The following PTPRD variants were observed in gnomAD, a reference collection of about 807,000 sequenced individuals.
PTPRD encodes the protein receptor-type tyrosine-protein phosphatase delta.
A neutral mutation model predicts 214.5 loss-of-function variants in PTPRD; 34 were observed. That is an observed-to-expected ratio of 0.16 (90% CI 0.12 to 0.21). The LOEUF is 0.21. Among genes scored for constraint, PTPRD ranks in the 10% least tolerant of loss-of-function variants. The pLI is 1.00. For synonymous variants in PTPRD, 1,128 were observed against 845.7 expected (o/e 1.33, Z -5.79); for missense variants, 2,545 against 2,398.7 (o/e 1.06, Z -1.27).
chr9:9,951,915 C>A (rs2093486840), intron 4 of PTPRD, among the ~76,000 whole-genome samples: 1 of 152,192 alleles, frequency 6.6e-6, no homozygotes, highest in African/African-American at 2.4e-5. Context: ...TACTCATGAT[C>A]TTAATTGAGT....
chr9:9,837,136 A>G (rs1188634598), intron 5 of PTPRD, among the ~76,000 whole-genome samples: 1 of 152,100 alleles, frequency 6.6e-6, no homozygotes, highest in East Asian at 1.9e-4. Flanking sequence ...TGTTTAGCCA[A>G]TTTTTGTGTA....
chr9:8,349,847 C>T (rs1011642590), intron 39 of PTPRD, among the ~76,000 whole-genome samples: 2 of 151,666 alleles, frequency 1.3e-5, no homozygotes, highest in South Asian at 2.1e-4. Context: ...CCGGTGAGGA[C>T]AACTATTCCA....
intron 3 of PTPRD, among the ~76,000 whole-genome samples, chr9:10,089,536 T>C (rs2098404334): frequency 1.3e-5 from 2 of 151,576 alleles, no homozygotes. Flanking sequence ...GTCATAATAA[T>C]GTTGAGGTAA....
intron 3 of PTPRD, among the ~76,000 whole-genome samples, chr9:10,208,253 G>A (rs779986400): frequency 2.4e-4 from 37 of 152,308 alleles, no homozygotes; most frequent in Non-Finnish European, 3.4e-4. Flanking sequence ...GGTGGCTCAG[G>A]CCCGTAATCC....
At chr9:9,905,978 TA>T (rs1376107247) in intron 5 of PTPRD, among the ~76,000 whole-genome samples, 1 of 151,984 alleles carries the variant, frequency 6.6e-6, no homozygotes, top group African/African-American at 2.4e-5. Flanking sequence ...GATAAAATTT[TA>T]AGCCAGATGC....
chr9:9,526,138 C>T (rs633719), intron 8 of PTPRD, among the ~76,000 whole-genome samples: 124,328 of 152,170 alleles, frequency 0.82, 51,306 homozygotes, highest in East Asian at 1. Flanking sequence ...GCCCAACTTA[C>T]ATTTGTAAAC....
chr9:8,945,599 G>T (rs547366395), intron 11 of PTPRD, among the ~76,000 whole-genome samples: 1 of 151,588 alleles, frequency 6.6e-6, no homozygotes, highest in Non-Finnish European at 1.5e-5. Context: ...CCCTTCACTG[G>T]CAATTGATTC....
chr9:8,780,909 C>T (rs1330088917), intron 11 of PTPRD, among the ~76,000 whole-genome samples: 2 of 152,186 alleles, frequency 1.3e-5, no homozygotes, highest in Non-Finnish European at 2.9e-5. Context: ...TCCTTCTGCA[C>T]ATCACAGATT....
intron 5 of PTPRD, among the ~76,000 whole-genome samples, chr9:9,891,039 T>C (rs527516342): frequency 6.6e-5 from 10 of 152,252 alleles, no homozygotes; most frequent in African/African-American, 2.4e-4. Flanking sequence ...ATAAAAACCT[T>C]CATGGAAGCT....
intron 9 of PTPRD, among the ~76,000 whole-genome samples, chr9:9,348,038 C>A (rs2049567285): frequency 6.6e-6 from 1 of 152,092 alleles, no homozygotes; most frequent in African/African-American, 2.4e-5. Context: ...TATTCATCTA[C>A]TTTGTTTAAA....
chr9:9,901,916 C>T (rs1165393030), intron 5 of PTPRD, among the ~76,000 whole-genome samples: 1 of 152,144 alleles, frequency 6.6e-6, no homozygotes, highest in South Asian at 2.1e-4. Context: ...CGCTCACCAT[C>T]ATGAAAACAG....
chr9:8,521,237 A>G (rs2138841546), intron 20 of PTPRD, 40 bp downstream of exon 20: 2 of 1,576,690 alleles, frequency 1.3e-6, no homozygotes, highest in Admixed American at 1.7e-5. Context: ...ACTTGGCTTG[A>G]GTGTACCCAG....
chr9:9,119,294 G>A (rs1021097146), intron 10 of PTPRD, among the ~76,000 whole-genome samples: 12 of 152,072 alleles, frequency 7.9e-5, no homozygotes, highest in African/African-American at 2.9e-4. Flanking sequence ...TCTATCTATT[G>A]CTTTTTAACA....
At chr9:10,017,644 C>A (rs1004707098) in intron 4 of PTPRD, among the ~76,000 whole-genome samples, 2 of 152,054 alleles carry the variant, frequency 1.3e-5, no homozygotes, top group African/African-American at 4.8e-5. Flanking sequence ...TATGAAAAAT[C>A]AATTATCTTA....
intron 36 of PTPRD, 66 bp downstream of exon 36, chr9:8,404,471 A>T: frequency 6.5e-7 from 1 of 1,549,110 alleles, no homozygotes; most frequent in East Asian, 2.3e-5. Context: ...TCACTAAAAC[A>T]ATATTCTCAT....
intron 14 of PTPRD, among the ~76,000 whole-genome samples, chr9:8,579,554 A>G (rs1173595436): frequency 6.6e-6 from 1 of 152,142 alleles, no homozygotes; most frequent in Non-Finnish European, 1.5e-5. Flanking sequence ...AGTATAAAAA[A>G]CCCACAGTGC....
At chr9:10,242,940 G>GGAGA (rs375926103) in intron 3 of PTPRD, among the ~76,000 whole-genome samples, 6 of 147,180 alleles carry the variant, frequency 4.1e-5, no homozygotes, top group African/African-American at 1.5e-4. Context: ...AGGGAGGGAG[G>GGAGA]GAGAGAGAGA....
chr9:9,190,921 G>A (rs564966800), intron 9 of PTPRD, among the ~76,000 whole-genome samples: 40 of 152,162 alleles, frequency 2.6e-4, no homozygotes, highest in African/African-American at 6.5e-4. Context: ...TCTGCAGTGA[G>A]AGAAGGCTGA....
intron 10 of PTPRD, among the ~76,000 whole-genome samples, chr9:9,019,810 A>G (rs999349709): frequency 6.6e-6 from 1 of 152,172 alleles, no homozygotes; most frequent in Non-Finnish European, 1.5e-5. Context: ...GGAGTTTTAT[A>G]ATTTATAAGT....
Sources: allele counts gnomAD v4.1 joint callset (sites outside exome capture counted in the v4.1 genomes callset), GRCh38; gene constraint gnomAD v4.1.1; transcripts MANE v1.5; gene names NCBI Gene and HGNC (gene_info 2026-07-23, HGNC 2026-07-21).